GSG1L: variants seen among roughly 807,000 people sequenced by gnomAD.
GSG1L encodes the protein GSG1 like.
A neutral mutation model predicts 42.1 loss-of-function variants in GSG1L; 24 were observed. The ratio of observed to expected loss-of-function variants is 0.57; its 90% CI spans 0.41 to 0.80. The LOEUF (loss-of-function observed/expected upper bound fraction) is 0.80. Ranked by LOEUF, GSG1L falls within the 30% of genes least tolerant of loss-of-function variation. The pLI is 0.00. For missense variants in GSG1L, 445 were observed against 472.2 expected (o/e 0.94, Z 0.53); for synonymous variants, 215 against 203.5 (o/e 1.06, Z -0.48).
intron 1 of GSG1L, among the ~76,000 whole-genome samples, chr16:27,981,414 A>G (rs2085325211): frequency 6.6e-6 from 1 of 152,206 alleles, no homozygotes; most frequent in South Asian, 2.1e-4. Flanking sequence ...GCCAGATTCA[A>G]GGAATTCAGC....
rs1422929478 is a variant in GSG1L at position 27,789,325 on chromosome 16, G to A, written c.*2045C>T. ...ATGGATAATGGGCAGATGGAGGGAT[G>A]AATGGATGTGTGGATGACGGATAAT... On this transcript the variant is annotated 3_prime_UTR_variant, in exon 7 of 7. Transcript: ENST00000447459. The A allele has an allele frequency of 6.6e-6, 1 of 151,544 alleles. No individual in the cohort carries two copies. The allele number at this position is 151,544 out of a possible 1,614,324, so 9.4% of individuals were successfully genotyped here.
chr16:27,935,676 G>A (rs1454452601), intron 2 of GSG1L, among the ~76,000 whole-genome samples: 3 of 151,658 alleles, frequency 2.0e-5, no homozygotes, highest in African/African-American at 4.8e-5. Context: ...GCTTCCAAGA[G>A]GTAGCCCAAG....
At chr16:28,057,212 A>C (rs529402122) in intron 1 of GSG1L, among the ~76,000 whole-genome samples, 1 of 152,276 alleles carries the variant, frequency 6.6e-6, no homozygotes, top group South Asian at 2.1e-4. Flanking sequence ...GATCCGCCTC[A>C]GATGGAACAG....
intron 3 of GSG1L, among the ~76,000 whole-genome samples, chr16:27,883,944 C>T (rs2083994526): frequency 6.6e-6 from 1 of 152,176 alleles, no homozygotes; most frequent in Admixed American, 6.5e-5. Context: ...TCCCACAATC[C>T]CTGCCCAACA....
intron 2 of GSG1L, among the ~76,000 whole-genome samples, chr16:27,939,592 T>A (rs920333004): frequency 1.3e-5 from 2 of 152,202 alleles, no homozygotes; most frequent in African/African-American, 4.8e-5. Flanking sequence ...ACAGGACTTC[T>A]GAGTTACAAG....
intron 2 of GSG1L, among the ~76,000 whole-genome samples, chr16:27,891,534 T>A (rs545945447): frequency 6.6e-6 from 1 of 152,290 alleles, no homozygotes; most frequent in South Asian, 2.1e-4. Flanking sequence ...GTGCAGTGGC[T>A]GGATCATGGC....
chr16:27,799,069 G>A (rs1251572511), intron 6 of GSG1L, among the ~76,000 whole-genome samples: 2 of 152,128 alleles, frequency 1.3e-5, no homozygotes, highest in Non-Finnish European at 2.9e-5. Context: ...AGGTCCCTGT[G>A]CTGGTGACAT....
At chr16:27,966,128 C>T (rs2085130346) in intron 1 of GSG1L, among the ~76,000 whole-genome samples, 1 of 152,224 alleles carries the variant, frequency 6.6e-6, no homozygotes, top group African/African-American at 2.4e-5. Context: ...GTAGTTTACT[C>T]CTCCTCTCCC....
chr16:27,870,709 TG>T (rs1165197529), intron 3 of GSG1L, among the ~76,000 whole-genome samples: 1 of 151,552 alleles, frequency 6.6e-6, no homozygotes, highest in African/African-American at 2.4e-5. Context: ...CTTGCCCTCA[TG>T]GGATGACTCC....
intron 3 of GSG1L, among the ~76,000 whole-genome samples, chr16:27,866,519 C>T (rs181408167): frequency 2.6e-5 from 4 of 152,314 alleles, no homozygotes; most frequent in Admixed American, 2.6e-4. Flanking sequence ...AGGATCCACA[C>T]CTGAGCAATC....
chr16:27,902,299 A>G (rs1223766301), intron 2 of GSG1L, among the ~76,000 whole-genome samples: 1 of 152,198 alleles, frequency 6.6e-6, no homozygotes, highest in Non-Finnish European at 1.5e-5. Flanking sequence ...TGCTTCCAGG[A>G]GAAGGGAGCC....
At chr16:27,870,921 C>T (rs2083812715) in intron 3 of GSG1L, among the ~76,000 whole-genome samples, 3 of 151,508 alleles carry the variant, frequency 2.0e-5, no homozygotes, top group South Asian at 4.1e-4. Flanking sequence ...CCTGTACCGG[C>T]CCTGCCTGCC....
chr16:27,922,672 G>T (rs1279525996), intron 2 of GSG1L, among the ~76,000 whole-genome samples: 1 of 152,200 alleles, frequency 6.6e-6, no homozygotes, highest in Admixed American at 6.5e-5. Context: ...TTAGAATCCA[G>T]TGATGGATGA....
chr16:27,998,512 G>C (rs2085544432), intron 1 of GSG1L: 1 of 152,266 alleles, frequency 6.6e-6, no homozygotes, highest in Middle Eastern at 3.1e-3. Context: ...ACCTCACCAG[G>C]CGCGGGAGCT....
At chr16:27,901,762 GC>G (rs2084260864) in intron 2 of GSG1L, among the ~76,000 whole-genome samples, 1 of 152,224 alleles carries the variant, frequency 6.6e-6, no homozygotes, top group Admixed American at 6.5e-5. Context: ...GCCCCGTAGT[GC>G]TTGGGATAAA....
At chr16:27,964,007 T>C (rs1470339753) in intron 1 of GSG1L, among the ~76,000 whole-genome samples, 1 of 152,130 alleles carries the variant, frequency 6.6e-6, no homozygotes, top group Non-Finnish European at 1.5e-5. Context: ...GGATTTTGAA[T>C]GAATTGCTTT....
intron 3 of GSG1L, among the ~76,000 whole-genome samples, chr16:27,859,908 T>C (rs1016873546): frequency 6.6e-6 from 1 of 151,968 alleles, no homozygotes; most frequent in Non-Finnish European, 1.5e-5. Flanking sequence ...TCTGGAACTC[T>C]TGGCCTCGAG....
Position 28,063,526 on chromosome 16 carries a change from G to T in GSG1L, c.-102C>A. The T allele has an allele frequency of 1.4e-6, 1 of 697,624 alleles. No individual in the cohort carries two copies. Among genetic ancestry groups the T allele is most frequent in the Non-Finnish European group, 1.8e-6 (1 of 545,746 alleles). 43.2% of individuals were successfully genotyped at this position (697,624 alleles called of 1,614,324 possible). On this transcript the variant is annotated 5_prime_UTR_variant, in exon 1 of 7. Transcript: ENST00000447459. This position sits in a 1 kb window ranked among gnomAD's most constrained non-coding sequence, Gnocchi z 5.8. Reference sequence around the variant, plus strand: ...AGCGGCCGCTGCCCGCCGCGCCCCGGGGCTCGGGTGCCTGAGATCGGCGGC... The same window carrying T: ...AGCGGCCGCTGCCCGCCGCGCCCCGTGGCTCGGGTGCCTGAGATCGGCGGC...
intron 1 of GSG1L, among the ~76,000 whole-genome samples, chr16:28,012,505 A>C (rs559098314): frequency 1.3e-5 from 2 of 152,262 alleles, no homozygotes; most frequent in South Asian, 4.1e-4. Context: ...TCTGCTAGGC[A>C]CTGAACACAC....
Sources: allele counts gnomAD v4.1 joint callset (sites outside exome capture counted in the v4.1 genomes callset), GRCh38; gene constraint gnomAD v4.1.1; non-coding constraint Gnocchi (gnomAD v3.1); transcripts MANE v1.5; gene names NCBI Gene and HGNC (gene_info 2026-07-23, HGNC 2026-07-21).